Variants in KLF15 observed in about 807,000 individuals in gnomAD.
KLF15 encodes the protein KLF transcription factor 15.
Under a neutral mutation model 24.6 loss-of-function variants are expected in KLF15, and 4 were observed. The observed-to-expected ratio is 0.16, with a 90% CI of 0.08 to 0.37. KLF15 has a LOEUF of 0.37. Ranked by LOEUF, KLF15 falls within the 10% of genes least tolerant of loss-of-function variation. The pLI is 1.00. For missense variants in KLF15, 496 were observed against 560.6 expected (o/e 0.88, Z 1.16); for synonymous variants, 246 against 236.3 (o/e 1.04, Z -0.37).
In KLF15 at chr3:126,352,282, T is replaced by C; in HGVS notation, c.641A>G (p.Asp214Gly). The C allele has an allele frequency of 6.5e-7, 1 of 1,542,000 alleles. No individual in the cohort carries two copies. Among genetic ancestry groups the C allele is most frequent in the Non-Finnish European group, 8.7e-7 (1 of 1,147,544 alleles). The change falls in exon 2 of 3, where the codon GAT becomes GGT. Residue 214 changes from aspartate to glycine, a missense_variant. Coordinates refer to ENST00000296233, the MANE Select transcript of KLF15 (RefSeq NM_014079.4). ...AQGPGGGPTPDGPIPVLLQIQ... is the reference protein window; with the variant it reads ...AQGPGGGPTPGGPIPVLLQIQ... ...CTGCAGCAACACTGGGATGGGGCCA[T>C]CAGGCGTGGGGCCCCCACCTGGGCC... is the stretch of plus-strand genomic sequence containing the variant.
At position 126,352,297 on chromosome 3, in the gene KLF15, C is replaced by T. The variant is rs1044413204; in HGVS notation, c.626G>A (p.Gly209Glu). 1 of 1,548,112 alleles carries T rather than the reference C, an allele frequency of 6.5e-7. No individual in the cohort carries two copies. The highest frequency in any genetic ancestry group is 2.3e-5 in the East Asian group (1 of 44,398). ...ASAGGAQGPG[G>E]GPTPDGPIPV... ...GATGGGGCCATCAGGCGTGGGGCCC[C>T]CACCTGGGCCCTGGGCACCTCCTGC... Residue 209 changes from glycine (G) to glutamate (E), a missense_variant, in exon 2 of 3, where the codon GGG (glycine) becomes GAG (glutamate). Transcript: ENST00000296233.
intron 1 of KLF15, 111 bp from the exon 2 acceptor site, chr3:126,353,058 C>G: frequency 8.1e-7 from 1 of 1,232,064 alleles, no homozygotes; most frequent in Non-Finnish European, 1.1e-6. Flanking sequence ...TATTGCCAAA[C>G]GCCTGGATCC....
At chr3:126,295,404 C>T in the KLF15 span, among the ~76,000 whole-genome samples, 4 of 152,216 alleles carry the variant, frequency 2.6e-5, no homozygotes, top group South Asian at 2.1e-4. Context: ...GGCCTTTGCT[C>T]GAAGCCTGTC....
At chr3:126,293,184 G>A in the KLF15 span, among the ~76,000 whole-genome samples, 5 of 151,528 alleles carry the variant, frequency 3.3e-5, no homozygotes, top group Non-Finnish European at 7.4e-5. Flanking sequence ...GTGTGGTGGT[G>A]CACACTTGTA....
the KLF15 span, among the ~76,000 whole-genome samples, chr3:126,296,261 A>G: frequency 2.4e-4 from 37 of 152,298 alleles, no homozygotes; most frequent in East Asian, 4.6e-3. Context: ...CAGGTGGAGT[A>G]CAGTGGCGTG....
At chr3:126,317,661 G>A in the KLF15 span, among the ~76,000 whole-genome samples, 24 of 152,140 alleles carry the variant, frequency 1.6e-4, no homozygotes, top group Admixed American at 8.5e-4. Flanking sequence ...AGACTCAGGG[G>A]AGAAGAGACA....
the KLF15 span, among the ~76,000 whole-genome samples, chr3:126,309,783 A>T: frequency 6.6e-6 from 1 of 152,162 alleles, no homozygotes; most frequent in African/African-American, 2.4e-5. Context: ...GTACAAGATG[A>T]TCCTGGTGAC....
At chr3:126,322,324 G>C in the KLF15 span, among the ~76,000 whole-genome samples, 151,825 of 152,296 alleles carry the variant, frequency 1, 75,689 homozygotes, top group Middle Eastern at 1. Flanking sequence ...CCTCCTGGAG[G>C]CTCTAAGGGA....
chr3:126,313,448 T>C, the KLF15 span, among the ~76,000 whole-genome samples: 3 of 152,226 alleles, frequency 2.0e-5, no homozygotes, highest in African/African-American at 4.8e-5. Context: ...ACATCTGCAG[T>C]GACCCTATCT....
the KLF15 span, among the ~76,000 whole-genome samples, chr3:126,293,289 G>A: frequency 2.0e-5 from 3 of 152,142 alleles, no homozygotes; most frequent in Admixed American, 6.5e-5. Context: ...CACTCTAGCA[G>A]TGGATGACAG....
the KLF15 span, among the ~76,000 whole-genome samples, chr3:126,324,909 C>T: frequency 9.3e-6 from 1 of 107,702 alleles, no homozygotes; most frequent in African/African-American, 3.7e-5. Context: ...GCTGCACCCA[C>T]TAATGTGTCA....
chr3:126,318,083 C>A, the KLF15 span, among the ~76,000 whole-genome samples: 33 of 152,228 alleles, frequency 2.2e-4, no homozygotes, highest in African/African-American at 7.7e-4. Flanking sequence ...TCTTCCTGGA[C>A]GCCTCCACCC....
At chr3:126,342,131 C>T (rs1458212158), downstream of KLF15, among the ~76,000 whole-genome samples, 4 of 152,294 alleles carry the variant, frequency 2.6e-5, no homozygotes, top group African/African-American at 4.8e-5. Flanking sequence ...CTGGCCTCTC[C>T]GAGTCTCACC....
In KLF15 at chr3:126,352,666, A is replaced by T; in HGVS notation, c.257T>A (p.Leu86Gln). The T allele has an allele frequency of 6.3e-7, 1 of 1,599,364 alleles. No homozygotes were observed. Among genetic ancestry groups the T allele is most frequent in the Non-Finnish European group, 8.5e-7 (1 of 1,173,388 alleles). The change falls in exon 2 of 3, where the codon CTG (leucine) becomes CAG (glutamine). Residue 86 changes from leucine (L) to glutamine (Q), a missense_variant. This residue lies in a region of KLF15 where 399 missense variants were observed against 423.1 expected (regional missense o/e 0.94). Coordinates refer to ENST00000296233, the MANE Select transcript of KLF15 (RefSeq NM_014079.4). The stretch of plus-strand genomic sequence containing the variant: ...ACTGCCGCTGCCCCCGCCACTGCCC[A>T]GCGTGGCCTGGGACAATAGGAAGTC... ...ILDFLLSQAT[L>Q]GSGGGSGSSI...
the KLF15 span, among the ~76,000 whole-genome samples, chr3:126,292,485 A>G: frequency 9.3e-3 from 1,423 of 152,370 alleles, 8 homozygotes; most frequent in South Asian, 0.015. Flanking sequence ...AGGAGTGTCT[A>G]TTGAACATCT....
chr3:126,306,252 C>G, the KLF15 span, among the ~76,000 whole-genome samples: 1 of 152,116 alleles, frequency 6.6e-6, no homozygotes, highest in Non-Finnish European at 1.5e-5. Flanking sequence ...GGTGGACTTT[C>G]CTTTGAAGGA....
At chr3:126,324,788 A>ATTT in the KLF15 span, among the ~76,000 whole-genome samples, 4,390 of 74,544 alleles carry the variant, frequency 0.059, 176 homozygotes, top group Non-Finnish European at 0.068. Flanking sequence ...TTTGCTTTTA[A>ATTT]TTTTTTTTTT....
At chr3:126,310,940 C>A in the KLF15 span, among the ~76,000 whole-genome samples, 2 of 152,202 alleles carry the variant, frequency 1.3e-5, no homozygotes, top group Non-Finnish European at 2.9e-5. Context: ...CCTGCTCTCT[C>A]TCACCTGCTC....
chr3:126,337,821 G>A (rs1046488795), downstream of KLF15, among the ~76,000 whole-genome samples: 1 of 152,160 alleles, frequency 6.6e-6, no homozygotes, highest in African/African-American at 2.4e-5. Flanking sequence ...ATCCCTTATG[G>A]GGAGTCTGGC....
Sources: gnomAD v4.1 joint callset for allele counts (sites outside exome capture counted in the v4.1 genomes callset) on GRCh38, gnomAD v4.1.1 for gene constraint, gnomAD v4.1.1 regional missense constraint, MANE v1.5 for transcripts, NCBI Gene and HGNC (gene_info 2026-07-23, HGNC 2026-07-21) for gene names.